Variants in PPP1R10 observed in about 807,000 individuals in gnomAD.
PPP1R10 encodes the protein protein phosphatase 1 regulatory subunit 10.
A neutral mutation model predicts 99.0 loss-of-function variants in PPP1R10; 15 were observed. That is an observed-to-expected ratio of 0.15 (90% CI 0.10 to 0.23). The LOEUF (loss-of-function observed/expected upper bound fraction) is 0.23. PPP1R10 is among the 10% of genes least tolerant of loss of function. The pLI is 1.00. For synonymous variants in PPP1R10, 430 were observed against 449.5 expected (o/e 0.96, Z 0.55); for missense variants, 947 against 1,259.4 (o/e 0.75, Z 3.75).
intron 2 of PPP1R10, among the ~76,000 whole-genome samples, chr6:30,611,023 A>T (rs892291089): frequency 2.0e-4 from 30 of 152,172 alleles, no homozygotes; most frequent in African/African-American, 7.2e-4. Flanking sequence ...AGACCCAAAA[A>T]AGAGGCTGGG....
chr6:30,613,847 G>A (rs1197089037), intron 2 of PPP1R10, among the ~76,000 whole-genome samples: 1 of 152,038 alleles, frequency 6.6e-6, no homozygotes, highest in Non-Finnish European at 1.5e-5. Flanking sequence ...AGAGGCACAT[G>A]GCAAACTGCT....
intron 2 of PPP1R10, among the ~76,000 whole-genome samples, chr6:30,615,683 T>A (rs1232919787): frequency 6.6e-6 from 1 of 152,222 alleles, no homozygotes; most frequent in Non-Finnish European, 1.5e-5. Context: ...ACCCTCTATT[T>A]AACTGTACCT....
Position 30,602,590 on chromosome 6 carries a change from T to G in PPP1R10, c.2059A>C (p.Met687Leu). 3 of 1,572,798 alleles carry G rather than the reference T, an allele frequency of 1.9e-6. No individual in the cohort carries two copies. The highest frequency in any genetic ancestry group is 2.6e-6 in the Non-Finnish European group (3 of 1,162,332). ...DPFWDGPGDP[M>L]RGGPMRGGPG... ...CCCCCCCGCATTGGGCCACCCCGCA[T>G]AGGGTCGCCCGGGCCATCCCAGAAG... Residue 687 changes from methionine to leucine, a missense_variant, in exon 19 of 20, where the codon ATG becomes CTG. This residue lies in a region of PPP1R10 where 525 missense variants were observed against 578.8 expected (regional missense o/e 0.91). Transcript: ENST00000376511. The surrounding 1 kb of genome is among the most constrained non-coding windows in gnomAD (Gnocchi z 6.7).
At position 30,609,220 on chromosome 6, in the gene PPP1R10, A is replaced by G. The variant is rs1467599839; in HGVS notation, c.108-57T>C. 1 of 1,551,566 alleles carries G rather than the reference A, an allele frequency of 6.4e-7. No homozygotes were observed. Among genetic ancestry groups the G allele is most frequent in the Non-Finnish European group, 8.9e-7 (1 of 1,125,780 alleles). On this transcript the variant is annotated intron_variant, in intron 3 of 19. Transcript: ENST00000376511. This position sits in a 1 kb window ranked among gnomAD's most constrained non-coding sequence, Gnocchi z 4.5. ...GCAGCCAGTATCTCTTCTCTTAGCA[A>G]AAGCGCCTCTCTGTGAACTGCCTAG... is the stretch of plus-strand genomic sequence containing the variant.
Position 30,602,369 on chromosome 6 carries a change from G to T in PPP1R10, c.2280C>A (p.Gly760=), listed in dbSNP as rs755856486. 3.1e-6 allele frequency: 5 copies of T among 1,612,594 alleles called. No homozygotes were observed. The South Asian group carries it at 5.5e-5, about 18-fold the overall frequency. Residue 760 remains glycine (G), a synonymous_variant, in exon 19 of 20, where the codon GGC becomes GGA. Coordinates refer to ENST00000376511, the MANE Select transcript of PPP1R10 (RefSeq NM_002714.4). The surrounding 1 kb of genome is among the most constrained non-coding windows in gnomAD (Gnocchi z 6.7). ...GHRPHEGPGG[G]MGNSSGHRPH... is the part of the protein sequence containing the mutation. ...GACGATGTCCACTGCTGTTGCCCAT[G>T]CCCCCACCAGGGCCTTCGTGAGGAC...
At chr6:30,607,984 T>C (rs1221457610) in intron 5 of PPP1R10, 93 bp from the exon 6 acceptor site, 5 of 180,774 alleles carry the variant, frequency 2.8e-5, no homozygotes, top group East Asian at 1.5e-4. Flanking sequence ...TCCTCCCTGC[T>C]TTTTTTTTTT....
intron 5 of PPP1R10, 74 bp downstream of exon 5, chr6:30,608,702 ACAT>A (rs1429453116): frequency 2.7e-5 from 40 of 1,495,710 alleles, no homozygotes; most frequent in Non-Finnish European, 3.6e-5. Context: ...GATTACAGCC[ACAT>A]CAGTCAGTTT....
intron 5 of PPP1R10, 67 bp from the exon 6 acceptor site, chr6:30,607,958 A>G (rs1804118765): frequency 1.3e-6 from 2 of 1,503,278 alleles, no homozygotes; most frequent in Non-Finnish European, 1.8e-6. Context: ...AGAGCTAAAA[A>G]CGACAAAAGT....
Position 30,602,085 on chromosome 6 carries a change from C to A in PPP1R10, c.2564G>T (p.Gly855Val). 6.3e-7 allele frequency: 1 copy of A among 1,580,590 alleles called. No individual in the cohort carries two copies. Among genetic ancestry groups the A allele is most frequent in the Non-Finnish European group, 8.6e-7 (1 of 1,160,632 alleles). Reference sequence around the variant, plus strand: ...ATCATGAGGCCGGTGGCCATGGGGCCCCCCGTGTCCAGGGCCTTCATGGGG... The same window carrying A: ...ATCATGAGGCCGGTGGCCATGGGGCACCCCGTGTCCAGGGCCTTCATGGGG... ...HRPHEGPGHG[G>V]PHGHRPHDVP... The change falls in exon 19 of 20, where the codon GGG (glycine) becomes GTG (valine). Residue 855 changes from glycine (G) to valine (V), a missense_variant. By Grantham distance (109) the Gly-to-Val change is moderately radical. Transcript: ENST00000376511. This position sits in a 1 kb window ranked among gnomAD's most constrained non-coding sequence, Gnocchi z 6.7.
chr6:30,606,707 CT>C lies in PPP1R10; in HGVS notation c.461-67del. On this transcript the variant is annotated intron_variant, in intron 7 of 19. Coordinates refer to ENST00000376511, the MANE Select transcript of PPP1R10 (RefSeq NM_002714.4). The surrounding 1 kb of genome is among the most constrained non-coding windows in gnomAD (Gnocchi z 6.3). Reference sequence around the variant, plus strand: ...TGAACACTGTCAGAGGTGAAGCAGACTGGGAGCACCTAAAGGCCACATCCCA... The same window carrying C: ...TGAACACTGTCAGAGGTGAAGCAGACGGGAGCACCTAAAGGCCACATCCCA... 6.2e-7 allele frequency: 1 copy of C among 1,610,822 alleles called. No individual in the cohort carries two copies. Among genetic ancestry groups the C allele is most frequent in the Non-Finnish European group, 8.5e-7 (1 of 1,177,000 alleles).
At position 30,602,092 on chromosome 6, in the gene PPP1R10, G is replaced by C; in HGVS notation, c.2557C>G (p.His853Asp). 1 of 1,591,842 alleles carries C rather than the reference G, an allele frequency of 6.3e-7. No homozygotes were observed. Among genetic ancestry groups the C allele is most frequent in the South Asian group, 1.1e-5 (1 of 87,516 alleles). Reference protein sequence around the residue: ...GGHRPHEGPGHGGPHGHRPHD... With the variant: ...GGHRPHEGPGDGGPHGHRPHD... The stretch of plus-strand genomic sequence containing the variant: ...GGCCGGTGGCCATGGGGCCCCCCGT[G>C]TCCAGGGCCTTCATGGGGACGATGT... The change falls in exon 19 of 20, where the codon CAC becomes GAC. Residue 853 changes from histidine to aspartate, a missense_variant. Physicochemically the swap from His to Asp is moderately conservative, Grantham distance 81. Transcript: ENST00000376511. This position sits in a 1 kb window ranked among gnomAD's most constrained non-coding sequence, Gnocchi z 6.7.
chr6:30,604,108 G>A lies in PPP1R10; in HGVS notation c.1408C>T (p.Pro470Ser), dbSNP rs1803669714. 1.9e-6 allele frequency: 3 copies of A among 1,614,008 alleles called. No individual in the cohort carries two copies. Among genetic ancestry groups the A allele is most frequent in the African/African-American group, 2.7e-5 (2 of 74,970 alleles). ...PWVCPRPLVL[P>S]SPLVTPGSNS... The stretch of plus-strand genomic sequence containing the variant: ...CTTCCAGGGGTGACAAGAGGTGAGG[G>A]CAGAACCAGGGGCCGGGGGCACACC... The change falls in exon 14 of 20, where the codon CCC (proline) becomes TCC (serine). Residue 470 changes from proline (P) to serine (S), a missense_variant. Around this residue, in one of 10 missense-constraint regions of PPP1R10, gnomAD observed 50 missense variants for 78.6 expected, o/e 0.64. Transcript: ENST00000376511. The surrounding 1 kb of genome is among the most constrained non-coding windows in gnomAD (Gnocchi z 7.3).
At position 30,604,954 on chromosome 6, in the gene PPP1R10, T is replaced by G; in HGVS notation, c.954+40A>C. ...TGTGCCCTTTCTTCTACTTTACCTT[T>G]TATACTCTGTCACTGAAACCTACTT... On this transcript the variant is annotated intron_variant, in intron 11 of 19. Transcript: ENST00000376511. The surrounding 1 kb of genome is among the most constrained non-coding windows in gnomAD (Gnocchi z 7.3). 6.3e-7 allele frequency: 1 copy of G among 1,595,678 alleles called. No homozygotes were observed. The highest frequency in any genetic ancestry group is 1.1e-5 in the South Asian group (1 of 90,676).
chr6:30,602,071 G>A lies in PPP1R10; in HGVS notation c.2578C>T (p.Arg860Trp), dbSNP rs144439701. ...CGGTGACCAGGGACATCATGAGGCC[G>A]GTGGCCATGGGGCCCCCCGTGTCCA... The part of the protein sequence containing the change: ...GPGHGGPHGH[R>W]PHDVPGHRGH... Residue 860 changes from arginine (R) to tryptophan (W), a missense_variant, in exon 19 of 20, where the codon CGG (arginine) becomes TGG (tryptophan). By Grantham distance (101) the Arg-to-Trp change is moderately radical (BLOSUM62 -3). Around this residue, in one of 10 missense-constraint regions of PPP1R10, gnomAD observed 525 missense variants for 578.8 expected, o/e 0.91. Transcript: ENST00000376511. This position sits in a 1 kb window ranked among gnomAD's most constrained non-coding sequence, Gnocchi z 6.7. 9.3e-5 allele frequency: 146 copies of A among 1,571,414 alleles called. No individual in the cohort carries two copies. The highest frequency in any genetic ancestry group is 2.7e-4 in the African/African-American group (20 of 74,254).
In PPP1R10 at chr6:30,604,498, T is replaced by G. The variant is rs1803708172; in HGVS notation, c.1116A>C (p.Pro372=). ...PELMDTASLE[P]GALDAKPVES... ...CCACTGGCTTGGCATCCAGAGCTCC[T>G]GGCTCCAAAGAGGCTGGAAGCAGAA... The change falls in exon 13 of 20, where the codon CCA becomes CCC. Residue 372 remains proline (P), a synonymous_variant. Coordinates refer to ENST00000376511, the MANE Select transcript of PPP1R10 (RefSeq NM_002714.4). This position sits in a 1 kb window ranked among gnomAD's most constrained non-coding sequence, Gnocchi z 7.3. 1 of 1,613,056 alleles carries G rather than the reference T, an allele frequency of 6.2e-7. No individual in the cohort carries two copies. Among genetic ancestry groups the G allele is most frequent in the African/African-American group, 1.3e-5 (1 of 75,026 alleles).
intron 2 of PPP1R10, among the ~76,000 whole-genome samples, 160 bp downstream of exon 2, chr6:30,616,318 C>A (rs537991104): frequency 2.6e-5 from 4 of 152,252 alleles, no homozygotes; most frequent in African/African-American, 9.6e-5. Flanking sequence ...CTGTTTAGAC[C>A]CACAGGCCCT....
At position 30,604,272 on chromosome 6, in the gene PPP1R10, A is replaced by G. The variant is rs1160653452; in HGVS notation, c.1262-18T>C. On this transcript the variant is annotated intron_variant, in intron 13 of 19. Coordinates refer to ENST00000376511, the MANE Select transcript of PPP1R10 (RefSeq NM_002714.4). The surrounding 1 kb of genome is among the most constrained non-coding windows in gnomAD (Gnocchi z 7.3). ...CACATTTACTGTCGGCAGGGGAAGA[A>G]AAGCAAGAGGGAAAGTAAGCACAAC... 3.7e-6 allele frequency: 6 copies of G among 1,613,946 alleles called. No homozygotes were observed. The highest frequency in any genetic ancestry group is 5.1e-6 in the Non-Finnish European group (6 of 1,179,788).
intron 2 of PPP1R10, among the ~76,000 whole-genome samples, chr6:30,611,436 G>A (rs528866885): frequency 6.6e-6 from 1 of 152,154 alleles, no homozygotes; most frequent in Non-Finnish European, 1.5e-5. Context: ...CCTACATCTA[G>A]CACAGAAGTA....
rs1210788192 is a variant in PPP1R10 at position 30,608,660 on chromosome 6, T to C, written c.330+119A>G. On this transcript the variant is annotated intron_variant, in intron 5 of 19. Transcript: ENST00000376511. ...AAGTCTTCTTCTTCTAAATTCCTAT[T>C]TTTTTTCTGCTGTTCTACCTCACAG... 3.9e-6 allele frequency: 5 copies of C among 1,280,794 alleles called. No individual in the cohort carries two copies. The East Asian group carries it at 1.2e-4, about 30-fold the overall frequency. The allele number at this position is 1,280,794 out of a possible 1,614,324, so 79.3% of individuals were successfully genotyped here.
Sources: allele counts gnomAD v4.1 joint callset (sites outside exome capture counted in the v4.1 genomes callset), GRCh38; gene constraint gnomAD v4.1.1; regional missense constraint gnomAD v4.1.1; non-coding constraint Gnocchi (gnomAD v3.1); transcripts MANE v1.5; gene names NCBI Gene and HGNC (gene_info 2026-07-23, HGNC 2026-07-21).